The following RUFY4 variants were observed in gnomAD, a reference collection of about 807,000 sequenced individuals.
The protein encoded by RUFY4 is RUN and FYVE domain containing 4.
RUFY4 carries 73 observed loss-of-function variants against 69.0 expected under a neutral mutation model. That is an observed-to-expected ratio of 1.06 (90% CI 0.88 to 1.29). The LOEUF (loss-of-function observed/expected upper bound fraction) is 1.29. Among genes scored for constraint, RUFY4 ranks in the 50% most tolerant of loss-of-function variants. RUFY4 has a pLI of 0.00. For missense variants in RUFY4, 770 were observed against 705.6 expected (o/e 1.09, Z -1.03); for synonymous variants, 287 against 271.8 (o/e 1.06, Z -0.55).
intron 2 of RUFY4, 135 bp from the exon 5 acceptor site, chr2:218,072,239 C>T: frequency 1.9e-6 from 2 of 1,058,968 alleles, no homozygotes; most frequent in South Asian, 3.2e-5. Flanking sequence ...CCAGTAAGGA[C>T]AGGGCTGGGT....
rs765974891 is a variant in RUFY4 at position 218,073,244 on chromosome 2, G to T, written c.388G>T (p.Glu130Ter). The T allele has an allele frequency of 3.2e-6, 5 of 1,550,870 alleles. No individual in the cohort carries two copies. In the South Asian group the frequency reaches 5.9e-5, roughly 18 times the overall value. ...GGGTTCTGATCACTGTTAACACAGG[G>T]AATGGTATGGACCCCGGAGCCCTCT... Residue 130 changes from glutamate (E) to a stop codon, truncating the protein, a stop_gained and splice_region_variant, in exon 5 of 11, where the codon GAA becomes TAA. Transcript: ENST00000344321. LOFTEE classifies it high-confidence loss of function.
At position 218,072,738 on chromosome 2, in the gene RUFY4, T is replaced by C. The variant is rs1227480633; in HGVS notation, c.280-41T>C. Reference sequence around the variant, plus strand: ...CTCTGTGTTACCTGGGCGCCCTTTGTCCTAATACTGCTCCCCATTCTGCCC... The same window carrying C: ...CTCTGTGTTACCTGGGCGCCCTTTGCCCTAATACTGCTCCCCATTCTGCCC... On this transcript the variant is annotated intron_variant, in intron 3 of 10. Transcript: ENST00000344321. The C allele has an allele frequency of 2.8e-6, 4 of 1,447,974 alleles. No individual in the cohort carries two copies. In the South Asian group the frequency reaches 5.5e-5, roughly 20 times the overall value. 89.7% of individuals were successfully genotyped at this position (1,447,974 alleles called of 1,614,324 possible).
At chr2:218,077,541 A>C (rs1404660907) in intron 8 of RUFY4, among the ~76,000 whole-genome samples, 1 of 152,074 alleles carries the variant, frequency 6.6e-6, no homozygotes, top group East Asian at 1.9e-4. Flanking sequence ...CACTGCAGAG[A>C]TCTTCCGTGG....
At chr2:218,074,999 A>C in intron 6 of RUFY4, 94 bp from the exon 9 acceptor site, 1 of 1,306,498 alleles carries the variant, frequency 7.7e-7, no homozygotes, top group African/African-American at 1.5e-5. Context: ...TCTATTTAGC[A>C]AGCTGATTAG....
At chr2:218,088,421 G>A (rs1438497927) in intron 9 of RUFY4, among the ~76,000 whole-genome samples, 11 of 148,642 alleles carry the variant, frequency 7.4e-5, no homozygotes, top group Non-Finnish European at 1.0e-4. Context: ...TCATGCTACT[G>A]CACTACAGCC....
rs1205465389 is a variant in RUFY4, at chr2:218,045,525, TA to T, written c.-1158+10132del. Among the ~76,000 whole-genome samples the T allele has an allele frequency of 7.9e-5, 12 of 152,202 alleles. No individual in the cohort carries two copies. In the East Asian group the frequency reaches 2.3e-3, roughly 29 times the overall value. On this transcript the variant is annotated intron_variant and NMD_transcript_variant, in intron 2 of 13. Transcript: ENST00000457754. The stretch of plus-strand genomic sequence containing the variant: ...AAATTTCCCTAAATCTAGAAAACAA[TA>T]CATTAAAAAAACCAACGTTTTAACA...
At chr2:218,058,754 A>C (rs1213757090) in intron 3 of RUFY4, 3 of 152,262 alleles carry the variant, frequency 2.0e-5, no homozygotes, top group Admixed American at 1.3e-4. Flanking sequence ...AGGGAGGGAC[A>C]CTCAAAGTGG....
chr2:218,076,070 AG>A (rs1466943612), intron 7 of RUFY4, among the ~76,000 whole-genome samples: 1 of 152,122 alleles, frequency 6.6e-6, no homozygotes, highest in African/African-American at 2.4e-5. Flanking sequence ...CATGATGGTA[AG>A]TCTCTTCCCG....
Position 218,073,346 on chromosome 2 carries a change from C to T in RUFY4, c.490C>T (p.Gln164Ter), listed in dbSNP as rs1205705872. 9.4e-6 allele frequency: 15 copies of T among 1,589,190 alleles called. No individual in the cohort carries two copies. Among genetic ancestry groups the T allele is most frequent in the Non-Finnish European group, 1.3e-5 (15 of 1,167,550 alleles). ...TGGGGTGGCCTTCGAGTTGGACCTC[C>T]AGCAGCCAGACCTGGATGGAGCCTG... Residue 164 changes from glutamine to a stop codon, truncating the protein, a stop_gained, in exon 5 of 11, where the codon CAG becomes TAG. Transcript: ENST00000344321. LOFTEE classifies it high-confidence loss of function.
chr2:218,073,278 C>T (rs758815651), exon 5 of RUFY4: 2 of 1,553,188 alleles, frequency 1.3e-6, no homozygotes, highest in Admixed American at 3.9e-5. Context: ...CTGCTCTGCC[C>T]AGAACGCCAA....
chr2:218,088,283 G>A (rs114803873), intron 9 of RUFY4, among the ~76,000 whole-genome samples: 1 of 151,872 alleles, frequency 6.6e-6, no homozygotes, highest in African/African-American at 2.4e-5. Context: ...AGACCAGTCT[G>A]GGCAACATGT....
At chr2:218,088,799 T>G (rs571783293) in intron 9 of RUFY4, among the ~76,000 whole-genome samples, 2 of 152,286 alleles carry the variant, frequency 1.3e-5, no homozygotes, top group South Asian at 4.1e-4. Context: ...TATCTCTCCA[T>G]CTGTCTCCAT....
At chr2:218,073,113 T>C in intron 4 of RUFY4, 130 bp from the exon 7 acceptor site, 2 of 1,222,622 alleles carry the variant, frequency 1.6e-6, no homozygotes, top group East Asian at 5.5e-5. Context: ...CAACTCTGCC[T>C]GGGGAACAGC....
intron 2 of RUFY4, among the ~76,000 whole-genome samples, chr2:218,048,942 T>A (rs1285985511): frequency 6.6e-6 from 1 of 152,234 alleles, no homozygotes; most frequent in Non-Finnish European, 1.5e-5. Context: ...TGGGTTAAGT[T>A]GGCTGATTGT....
exon 7 of RUFY4, chr2:218,075,687 C>G: frequency 2.7e-6 from 4 of 1,476,244 alleles, no homozygotes; most frequent in Non-Finnish European, 3.6e-6. Context: ...AGAAGTGACC[C>G]TTGTGGCCAG....
chr2:218,080,694 C>T (rs1316158904), intron 8 of RUFY4, among the ~76,000 whole-genome samples: 1 of 152,154 alleles, frequency 6.6e-6, no homozygotes, highest in Non-Finnish European at 1.5e-5. Flanking sequence ...GTCACATGAC[C>T]CCCAGCCCCT....
At chr2:218,067,931 A>T (rs1689382333), upstream of RUFY4, among the ~76,000 whole-genome samples, 1 of 152,148 alleles carries the variant, frequency 6.6e-6, no homozygotes, top group East Asian at 1.9e-4. Context: ...ACCCACCAAC[A>T]GGGAGTCCTG....
chr2:218,054,482 G>T (rs1689014241), intron 2 of RUFY4, among the ~76,000 whole-genome samples: 2 of 149,630 alleles, frequency 1.3e-5, no homozygotes, highest in African/African-American at 5.0e-5. Flanking sequence ...TTGAACCCAG[G>T]AAGTGGAGGT....
In RUFY4 at chr2:218,054,554, C is replaced by CAAA. The variant is rs35697446; in HGVS notation, c.-1157-4025_-1157-4023dup. Among the ~76,000 whole-genome samples the CAAA allele has an allele frequency of 3.8e-3, 304 of 79,910 alleles. 4 individuals are homozygous for CAAA. The highest frequency in any genetic ancestry group is 0.012 in the African/African-American group (276 of 23,674). 52.4% of individuals were successfully genotyped at this position (79,910 alleles called of 152,430 possible). ...TGGGCGACAGAGTGAGACTCTGTCT[C>CAAA]AAAAAAAAAAAAAAAAAAGATCAGT... On this transcript the variant is annotated intron_variant and NMD_transcript_variant, in intron 2 of 13. Transcript: ENST00000457754.
Sources: gnomAD v4.1 joint callset for allele counts (sites outside exome capture counted in the v4.1 genomes callset) on GRCh38, gnomAD v4.1.1 for gene constraint, MANE v1.5 for transcripts, NCBI Gene and HGNC (gene_info 2026-07-23, HGNC 2026-07-21) for gene names.